Variants in NFKBIZ observed in about 807,000 individuals in gnomAD.
NFKBIZ encodes the protein NF-kappa-B inhibitor zeta.
A neutral mutation model predicts 76.8 loss-of-function variants in NFKBIZ; 19 were observed. The ratio of observed to expected loss-of-function variants is 0.25; its 90% CI spans 0.17 to 0.36. The LOEUF is 0.36. NFKBIZ is among the 10% of genes least tolerant of loss of function. The pLI, the probability that NFKBIZ is intolerant of heterozygous loss-of-function variation, is 1.00. For synonymous variants in NFKBIZ, 368 were observed against 354.8 expected, an observed-to-expected ratio of 1.04 and a Z score of -0.42; for missense variants, 829 against 910.9, an observed-to-expected ratio of 0.91 and a Z score of 1.16.
Position 101,853,344 on chromosome 3 carries a change from A to G in NFKBIZ, c.818A>G (p.Gln273Arg). Residue 273 changes from glutamine (Q) to arginine (R), a missense_variant, in exon 5 of 12, where the codon CAA becomes CGA. Physicochemically the swap from Gln to Arg is conservative, Grantham distance 43. Coordinates refer to ENST00000326172, the MANE Select transcript of NFKBIZ (RefSeq NM_031419.4). ...CCACCTCAGAAATGCCAACCATTCC[A>G]AGTCAGGGGCTCCCAACAAATGATA... ...FSPPQKCQPFQVRGSQQMIDQ... is the reference protein window; with the variant it reads ...FSPPQKCQPFRVRGSQQMIDQ... 1.2e-6 allele frequency: 2 copies of G among 1,614,172 alleles called. No individual in the cohort carries two copies. The highest frequency in any genetic ancestry group is 2.2e-5 in the East Asian group (1 of 44,890).
rs191038524 is a variant in NFKBIZ, at chr3:101,850,809, A to G, written c.289+892A>G. 9.6e-4 allele frequency among the ~76,000 whole-genome samples: 147 copies of G among 152,360 alleles called. 3 individuals carry two copies. The Middle Eastern group carries it at 0.014, about 14-fold the overall frequency. ...ATCTCATTTTCATTTTAAGTCATTT[A>G]AAATCATGCGAAAAGCGATTTAAAC... is the stretch of plus-strand genomic sequence containing the variant. On this transcript the variant is annotated intron_variant, in intron 1 of 11. Transcript: ENST00000326172.
chr3:101,839,650 T>C (rs1405726184), intron 2 of NFKBIZ, among the ~76,000 whole-genome samples: 1 of 152,184 alleles, frequency 6.6e-6, no homozygotes, highest in Non-Finnish European at 1.5e-5. Context: ...TGCAGATCCA[T>C]GTAGGCCAAA....
chr3:101,856,018 G>A, intron 9 of NFKBIZ, 116 bp downstream of exon 9: 2 of 1,004,872 alleles, frequency 2.0e-6, no homozygotes, highest in Middle Eastern at 2.8e-4. Context: ...AATTAATGGT[G>A]TGAGTAGCAA....
At position 101,855,591 on chromosome 3, in the gene NFKBIZ, A is replaced by G. The variant is rs756512267; in HGVS notation, c.1654+133A>G. On this transcript the variant is annotated intron_variant, in intron 8 of 11. Coordinates refer to ENST00000326172, the MANE Select transcript of NFKBIZ (RefSeq NM_031419.4). Reference sequence around the variant, plus strand: ...TAGGTAAAATTAGACCCAAAAAGAGACAATATTCAGATTGCCTTACTAGTT... The same window carrying G: ...TAGGTAAAATTAGACCCAAAAAGAGGCAATATTCAGATTGCCTTACTAGTT... The G allele has an allele frequency of 2.8e-5, 35 of 1,238,660 alleles. No homozygotes were observed. In the East Asian group the frequency reaches 6.1e-4, roughly 22 times the overall value. The allele number at this position is 1,238,660 out of a possible 1,614,324, so 76.7% of individuals were successfully genotyped here.
chr3:101,841,287 A>G (rs936980312), intron 2 of NFKBIZ, among the ~76,000 whole-genome samples: 1 of 152,230 alleles, frequency 6.6e-6, no homozygotes, highest in African/African-American at 2.4e-5. Context: ...AGAACTTACT[A>G]ACTACAGCTG....
At chr3:101,858,478 T>A in intron 11 of NFKBIZ, 1 of 980,734 alleles carries the variant, frequency 1.0e-6, no homozygotes, top group Non-Finnish European at 1.2e-6. Flanking sequence ...CTTCACTGTT[T>A]GTGGTGTGCA....
In NFKBIZ at chr3:101,859,376, A is replaced by G. The variant is rs771029269; in HGVS notation, c.*5A>G. 2.5e-6 allele frequency: 4 copies of G among 1,613,044 alleles called. No homozygotes were observed. The African/African-American group carries it at 5.3e-5, about 22-fold the overall frequency. ...CAGAGAGCTCCACCGTATTAGCTCC[A>G]TTAGCTTGGAGCCTGGCTAGCAACA... On this transcript the variant is annotated 3_prime_UTR_variant, in exon 12 of 12. Transcript: ENST00000326172.
intron 2 of NFKBIZ, among the ~76,000 whole-genome samples, chr3:101,833,424 A>AT (rs2107393916): frequency 6.6e-6 from 1 of 152,218 alleles, no homozygotes; most frequent in East Asian, 1.9e-4. Flanking sequence ...GGTTGAACAA[A>AT]TAACCCAGGG....
chr3:101,846,866 C>T (rs563490885), upstream of NFKBIZ, among the ~76,000 whole-genome samples: 5 of 152,292 alleles, frequency 3.3e-5, no homozygotes, highest in East Asian at 5.8e-4. Context: ...CACCATCTGC[C>T]ATCCATAAGC....
Position 101,849,609 on chromosome 3 carries a change from C to G in NFKBIZ, c.-20C>G, listed in dbSNP as rs1942914311. On this transcript the variant is annotated 5_prime_UTR_variant, in exon 1 of 12. Transcript: ENST00000326172. ...CCGGTGGCGCAGGTGTCGGGGTCCT[C>G]GAGCGCCCAGCCTGGGAGCATGATT... is the stretch of plus-strand genomic sequence containing the variant. The G allele has an allele frequency of 3.0e-6, 4 of 1,327,236 alleles. No homozygotes were observed. The highest frequency in any genetic ancestry group is 3.8e-6 in the Non-Finnish European group (4 of 1,042,410). The allele number at this position is 1,327,236 out of a possible 1,614,324, so 82.2% of individuals were successfully genotyped here.
At chr3:101,835,094 TAGGCATCTC>T (rs1942700783) in intron 2 of NFKBIZ, among the ~76,000 whole-genome samples, 1 of 152,258 alleles carries the variant, frequency 6.6e-6, no homozygotes, top group African/African-American at 2.4e-5. Context: ...GGAGTTGTGC[TAGGCATCTC>T]ATGACACTAC....
At position 101,858,135 on chromosome 3, in the gene NFKBIZ, G is replaced by A. The variant is rs181472453; in HGVS notation, c.2103+676G>A. ...GTTTTTGATGGAACTCTTTTCCTGG[G>A]AGGAATGAGGGGGATTGTGGCTGTG... On this transcript the variant is annotated intron_variant, in intron 11 of 11. Coordinates refer to ENST00000326172, the MANE Select transcript of NFKBIZ (RefSeq NM_031419.4). The A allele has an allele frequency of 1.9e-4, 188 of 983,724 alleles. No homozygotes were observed. In the African/African-American group the frequency reaches 3.1e-3, roughly 16 times the overall value. 60.9% of individuals were successfully genotyped at this position (983,724 alleles called of 1,614,324 possible). A position where few individuals can be genotyped will look rare whatever the true frequency, so the allele number is the denominator to read the frequency against.
chr3:101,856,310 G>A (rs1029479566), intron 9 of NFKBIZ, among the ~76,000 whole-genome samples: 5 of 152,140 alleles, frequency 3.3e-5, no homozygotes, highest in Admixed American at 6.5e-5. Context: ...TCGGCCTCCC[G>A]AAGTGCTGGG....
chr3:101,858,114 T>C lies in NFKBIZ; in HGVS notation c.2103+655T>C, dbSNP rs967916243. ...ATTCTTTCAAGAACTTAAAATGTTT[T>C]TGATGGAACTCTTTTCCTGGGAGGA... On this transcript the variant is annotated intron_variant, in intron 11 of 11. Transcript: ENST00000326172. 9 of 978,452 alleles carry C rather than the reference T, an allele frequency of 9.2e-6. No individual in the cohort carries two copies. In the South Asian group the frequency reaches 3.8e-4, roughly 41 times the overall value. The allele number at this position is 978,452 out of a possible 1,614,324, so 60.6% of individuals were successfully genotyped here. A position where few individuals can be genotyped will look rare whatever the true frequency, so the allele number is the denominator to read the frequency against.
intron 2 of NFKBIZ, among the ~76,000 whole-genome samples, chr3:101,833,093 A>G (rs562761794): frequency 1.0e-3 from 158 of 152,356 alleles, no homozygotes; most frequent in Non-Finnish European, 1.8e-3. Flanking sequence ...ACTTATGAAG[A>G]TGTGCATGGT....
intron 9 of NFKBIZ, chr3:101,856,759 T>C (rs1943055274): frequency 4.7e-6 from 1 of 213,326 alleles, no homozygotes; most frequent in Non-Finnish European, 9.5e-6. Flanking sequence ...GAAATGTAGG[T>C]GAATACATAA....
At chr3:101,858,884 T>A (rs1420137334) in intron 11 of NFKBIZ, among the ~76,000 whole-genome samples, 1 of 152,206 alleles carries the variant, frequency 6.6e-6, no homozygotes, top group Non-Finnish European at 1.5e-5. Context: ...AGGATTTACT[T>A]GTGTGTGTAT....
intron 2 of NFKBIZ, among the ~76,000 whole-genome samples, chr3:101,838,154 AAG>A (rs1317547123): frequency 6.6e-6 from 1 of 152,186 alleles, no homozygotes; most frequent in African/African-American, 2.4e-5. Flanking sequence ...GCACACAAAT[AAG>A]AGGGAGATTT....
intron 2 of NFKBIZ, among the ~76,000 whole-genome samples, chr3:101,830,834 A>G (rs1232233207): frequency 6.6e-6 from 1 of 152,200 alleles, no homozygotes; most frequent in Non-Finnish European, 1.5e-5. Flanking sequence ...AACCACGACA[A>G]ATGGTGAATT....
Sources: allele counts gnomAD v4.1 joint callset (sites outside exome capture counted in the v4.1 genomes callset), GRCh38; gene constraint gnomAD v4.1.1; transcripts MANE v1.5; gene names NCBI Gene and HGNC (gene_info 2026-07-23, HGNC 2026-07-21).